Variants in WAPL observed in about 807,000 individuals in gnomAD.
WAPL encodes WAPL cohesin release factor, also known as wings apart-like protein homolog.
In WAPL, 5 loss-of-function variants were observed where a neutral mutation model predicts 121.0. That is an observed-to-expected ratio of 0.04 (90% confidence interval 0.02 to 0.09). The LOEUF is 0.09. WAPL is among the 10% of genes least tolerant of loss of function. WAPL has a pLI of 1.00. For missense variants in WAPL, 999 were observed against 1,410.8 expected (o/e 0.71, Z 4.68); for synonymous variants, 480 against 481.5 (o/e 1.00, Z 0.04).
At chr10:86,506,692 G>A (rs1295847367) in intron 2 of WAPL, among the ~76,000 whole-genome samples, 1 of 152,016 alleles carries the variant, frequency 6.6e-6, no homozygotes, top group Non-Finnish European at 1.5e-5. Context: ...CAGGAAGTGG[G>A]GGTAGGAGGA....
At position 86,436,341 on chromosome 10, in the gene WAPL, G is replaced by GA. The variant is rs1849320517; in HGVS notation, c.*1201dup. On this transcript the variant is annotated 3_prime_UTR_variant, in exon 19 of 19. Transcript: ENST00000298767. ...CTGAAAGGTATTTAAAAGTATTAATGAAAAAGATCTCTAGAAAGCCTGTAT... is the reference window on the plus strand; with the variant it reads ...CTGAAAGGTATTTAAAAGTATTAATGAAAAAAGATCTCTAGAAAGCCTGTAT... 6.6e-6 allele frequency: 1 copy of GA among 151,668 alleles called. No individual in the cohort carries two copies. The highest frequency in any genetic ancestry group is 2.1e-4 in the South Asian group (1 of 4,814). The allele number at this position is 151,668 out of a possible 1,614,324, so 9.4% of individuals were successfully genotyped here. A position where few individuals can be genotyped will look rare whatever the true frequency, so the allele number is the denominator to read the frequency against.
At chr10:86,438,379 G>A (rs767978732) in intron 17 of WAPL, among the ~76,000 whole-genome samples, 15 of 151,802 alleles carry the variant, frequency 9.9e-5, no homozygotes, top group Admixed American at 2.6e-4. Context: ...TCAGCCTCCC[G>A]GGTAGCCGGG....
At chr10:86,440,049 G>A (rs1362764440) in intron 17 of WAPL, among the ~76,000 whole-genome samples, 1 of 152,102 alleles carries the variant, frequency 6.6e-6, no homozygotes, top group African/African-American at 2.4e-5. Context: ...TAAATCTGGG[G>A]CTCTATGAAT....
At chr10:86,512,526 T>C (rs1296051597) in intron 2 of WAPL, among the ~76,000 whole-genome samples, 2 of 152,218 alleles carry the variant, frequency 1.3e-5, no homozygotes, top group Non-Finnish European at 2.9e-5. Flanking sequence ...TCTTTTTGCC[T>C]CTACTACCGA....
intron 1 of WAPL, among the ~76,000 whole-genome samples, chr10:86,520,788 AAAG>A (rs1465871973): frequency 1.3e-5 from 2 of 151,120 alleles, no homozygotes; most frequent in African/African-American, 2.4e-5. Flanking sequence ...AAAAAAAAAA[AAAG>A]CAAAAAGCCT....
At position 86,460,171 on chromosome 10, in the gene WAPL, A is replaced by AT. The variant is rs1841237074; in HGVS notation, c.2580+227_2580+228insA. On this transcript the variant is annotated intron_variant, in intron 11 of 18. Coordinates refer to ENST00000298767, the MANE Select transcript of WAPL (RefSeq NM_015045.5). Reference sequence around the variant, plus strand: ...AAAAGATTGGCATATGTAAACAAACAAGCCTAACATTTCATTTGCAGCAAT... The same window carrying AT: ...AAAAGATTGGCATATGTAAACAAACATAGCCTAACATTTCATTTGCAGCAAT... Among the ~76,000 whole-genome samples the AT allele has an allele frequency of 2.0e-5, 3 of 152,310 alleles. No homozygotes were observed. The South Asian group carries it at 6.2e-4, about 32-fold the overall frequency.
chr10:86,492,783 G>A (rs187223578), intron 4 of WAPL, among the ~76,000 whole-genome samples: 12 of 152,294 alleles, frequency 7.9e-5, no homozygotes, highest in South Asian at 4.1e-4. Context: ...CCATCCGGGC[G>A]CGGTGGCTCA....
At position 86,478,131 on chromosome 10, in the gene WAPL, A is replaced by T. The variant is rs1335064443; in HGVS notation, c.1645-4158T>A. Among the ~76,000 whole-genome samples the T allele has an allele frequency of 0.018, 10 of 554 alleles. No homozygotes were observed. The African/African-American group carries it at 0.24, about 13-fold the overall frequency. The allele number at this position is 554 out of a possible 152,430, so 0.4% of individuals were successfully genotyped here. On this transcript the variant is annotated intron_variant, in intron 4 of 18. Coordinates refer to ENST00000298767, the MANE Select transcript of WAPL (RefSeq NM_015045.5). Reference sequence around the variant, plus strand: ...GATACCTAAACTTTTTTCTGTATTAAAAAAAAAAAAAATTGTGGCTAAGCA... The same window carrying T: ...GATACCTAAACTTTTTTCTGTATTATAAAAAAAAAAAATTGTGGCTAAGCA...
chr10:86,443,254 A>G, intron 17 of WAPL, 21 bp downstream of exon 17: 2 of 1,567,686 alleles, frequency 1.3e-6, no homozygotes, highest in Non-Finnish European at 1.8e-6. Context: ...TACATAAAAC[A>G]TCACTGAACT....
chr10:86,481,749 C>T (rs1841794970), intron 4 of WAPL, among the ~76,000 whole-genome samples: 1 of 151,848 alleles, frequency 6.6e-6, no homozygotes, highest in African/African-American at 2.4e-5. Context: ...AAAATTGGTT[C>T]CCTACAAGGG....
intron 2 of WAPL, among the ~76,000 whole-genome samples, chr10:86,504,986 TAATA>T (rs1197770297): frequency 1.4e-5 from 2 of 146,010 alleles, no homozygotes; most frequent in African/African-American, 5.6e-5. Context: ...ATTTTATCTT[TAATA>T]TATACAGCAT....
At chr10:86,437,691 A>G in intron 18 of WAPL, 83 bp from the exon 19 acceptor site, 1 of 1,440,744 alleles carries the variant, frequency 6.9e-7, no homozygotes, top group Non-Finnish European at 9.5e-7. Flanking sequence ...TTACCTCTAG[A>G]TTTACTAAAC....
chr10:86,511,650 A>G (rs919303036), intron 2 of WAPL, among the ~76,000 whole-genome samples: 17 of 152,186 alleles, frequency 1.1e-4, no homozygotes, highest in Admixed American at 5.9e-4. Context: ...AAGAAATAAC[A>G]GGGCCGGGCA....
At chr10:86,466,715 T>C (rs562881469) in intron 9 of WAPL, among the ~76,000 whole-genome samples, 2 of 152,200 alleles carry the variant, frequency 1.3e-5, no homozygotes, top group Non-Finnish European at 2.9e-5. Flanking sequence ...TACCTTTTTT[T>C]TGAGACAATC....
At chr10:86,455,272 C>T (rs547113497) in intron 12 of WAPL, among the ~76,000 whole-genome samples, 2 of 152,180 alleles carry the variant, frequency 1.3e-5, no homozygotes, top group African/African-American at 4.8e-5. Flanking sequence ...AAAAGAAAAT[C>T]AGATTGTTAT....
chr10:86,472,095 C>CTACCAGTTATGGGGGGGCT lies in WAPL; in HGVS notation c.2030+112_2030+113insAGCCCCCCCATAACTGGTA. ...GCATTTTAACATATCACTGGCTATA[C>CTACCAGTTATGGGGGGGCT]ATACTACCCCATCATAACAAAATAA... is the stretch of plus-strand genomic sequence containing the variant. On this transcript the variant is annotated intron_variant, in intron 7 of 18. Transcript: ENST00000298767. This position sits in a 1 kb window ranked among gnomAD's most constrained non-coding sequence, Gnocchi z 4.2. 1.1e-6 allele frequency: 1 copy of CTACCAGTTATGGGGGGGCT among 949,302 alleles called. No homozygotes were observed. The highest frequency in any genetic ancestry group is 2.8e-5 in the East Asian group (1 of 35,636). The allele number at this position is 949,302 out of a possible 1,614,324, so 58.8% of individuals were successfully genotyped here.
chr10:86,453,939 TG>T (rs1841068445), intron 12 of WAPL, 108 bp from the exon 13 acceptor site: 2 of 1,032,014 alleles, frequency 1.9e-6, no homozygotes, highest in Admixed American at 3.8e-5. Context: ...CACTTTATTT[TG>T]GAAAAATCTG....
chr10:86,483,097 A>C (rs560964152), intron 4 of WAPL, among the ~76,000 whole-genome samples: 1 of 152,312 alleles, frequency 6.6e-6, no homozygotes, highest in South Asian at 2.1e-4. Context: ...TTTGTAAACA[A>C]ACCTACTGTG....
Position 86,453,253 on chromosome 10 carries a change from T to A in WAPL, c.2916A>T (p.Leu972=). ...LNCVLQVPKY[L]PQEQRFDIRV... is the part of the protein sequence containing the mutation. ...GAATATCAAATCTCTGCTCCTGAGG[T>A]AGGTACTTTGGAACCTGAAGCACAC... The change falls in exon 14 of 19, where the codon CTA becomes CTT. Residue 972 remains leucine, a synonymous_variant. Coordinates refer to ENST00000298767, the MANE Select transcript of WAPL (RefSeq NM_015045.5). 1 of 1,614,138 alleles carries A rather than the reference T, an allele frequency of 6.2e-7. No homozygotes were observed.
Sources: allele counts gnomAD v4.1 joint callset (sites outside exome capture counted in the v4.1 genomes callset), GRCh38; gene constraint gnomAD v4.1.1; non-coding constraint Gnocchi (gnomAD v3.1); transcripts MANE v1.5; gene names NCBI Gene and HGNC (gene_info 2026-07-23, HGNC 2026-07-21).